DLGAP2: variants seen among roughly 807,000 people sequenced by gnomAD.
DLGAP2 encodes disks large-associated protein 2.
A neutral mutation model predicts 100.3 loss-of-function variants in DLGAP2; 26 were observed. That is an observed-to-expected ratio of 0.26 (90% CI 0.19 to 0.36). The LOEUF (loss-of-function observed/expected upper bound fraction) is 0.36, where lower values mean the gene tolerates loss of function less well. DLGAP2 is among the 10% of genes least tolerant of loss of function. DLGAP2 has a pLI of 1.00. For synonymous variants in DLGAP2, 886 were observed against 630.1 expected, an observed-to-expected ratio of 1.41 and a Z score of -6.08; for missense variants, 1,858 against 1,453.2, an observed-to-expected ratio of 1.28 and a Z score of -4.53.
At chr8:1,125,716 C>G (rs937014006) in intron 2 of DLGAP2, among the ~76,000 whole-genome samples, 1 of 152,214 alleles carries the variant, frequency 6.6e-6, no homozygotes, top group African/African-American at 2.4e-5. Context: ...ATTTCAGACT[C>G]GCAAGGTTTT....
intron 3 of DLGAP2, among the ~76,000 whole-genome samples, chr8:1,422,598 G>A (rs941036018): frequency 2.6e-5 from 4 of 151,846 alleles, no homozygotes; most frequent in African/African-American, 9.7e-5. Context: ...GAACAGACAG[G>A]GTGGATGCAT....
At chr8:1,447,063 T>C (rs897703058) in intron 3 of DLGAP2, among the ~76,000 whole-genome samples, 14 of 152,216 alleles carry the variant, frequency 9.2e-5, no homozygotes, top group South Asian at 8.3e-4. Flanking sequence ...CTTCCTCTTT[T>C]CCTAATTGAA....
intron 4 of DLGAP2, among the ~76,000 whole-genome samples, chr8:1,504,303 A>C (rs957308688): frequency 2.0e-5 from 3 of 152,162 alleles, no homozygotes; most frequent in Admixed American, 6.5e-5. Context: ...TTGTGTGTAT[A>C]GTATACAACG....
intron 2 of DLGAP2, among the ~76,000 whole-genome samples, chr8:1,070,784 C>T (rs765787260): frequency 1.3e-5 from 2 of 152,152 alleles, no homozygotes; most frequent in Non-Finnish European, 2.9e-5. Context: ...GGAAGAAGGA[C>T]GCGCTGGCTT....
intron 4 of DLGAP2, among the ~76,000 whole-genome samples, chr8:1,527,639 A>G (rs1800837715): frequency 6.6e-6 from 1 of 152,132 alleles, no homozygotes; most frequent in Non-Finnish European, 1.5e-5. Context: ...TCCTTTTATA[A>G]CCTATCTATG....
intron 1 of DLGAP2, among the ~76,000 whole-genome samples, chr8:766,398 C>T (rs915798493): frequency 1.3e-5 from 2 of 152,208 alleles, no homozygotes; most frequent in African/African-American, 4.8e-5. Context: ...CATCCTTCCT[C>T]TATGTGAGCT....
intron 3 of DLGAP2, among the ~76,000 whole-genome samples, chr8:1,418,927 C>G (rs74497347): frequency 1.3e-5 from 2 of 152,192 alleles, no homozygotes; most frequent in Non-Finnish European, 2.9e-5. Flanking sequence ...TTGAATGGCT[C>G]ACAGAACTCG....
chr8:1,076,557 C>T (rs781075059), intron 2 of DLGAP2, among the ~76,000 whole-genome samples: 5 of 152,240 alleles, frequency 3.3e-5, no homozygotes, highest in African/African-American at 4.8e-5. Context: ...GCCAGGGCCA[C>T]GGCTCAGCCC....
intron 3 of DLGAP2, among the ~76,000 whole-genome samples, chr8:1,440,437 G>A (rs758439718): frequency 3.3e-5 from 5 of 152,202 alleles, no homozygotes; most frequent in Admixed American, 2.0e-4. Context: ...ACTCCGCTGC[G>A]AGTGCACGGC....
chr8:1,368,478 T>G (rs1328149709), intron 3 of DLGAP2, among the ~76,000 whole-genome samples: 3 of 152,136 alleles, frequency 2.0e-5, no homozygotes, highest in Non-Finnish European at 4.4e-5. Flanking sequence ...TATGCTGTGC[T>G]CTGAAAAATG....
intron 2 of DLGAP2, among the ~76,000 whole-genome samples, chr8:1,066,597 T>A (rs532487574): frequency 4.0e-5 from 6 of 149,824 alleles, no homozygotes; most frequent in African/African-American, 1.5e-4. Context: ...CATGGTCAGG[T>A]CTGAGTGAGG....
chr8:1,214,991 G>A (rs1798183881), intron 2 of DLGAP2, among the ~76,000 whole-genome samples: 1 of 152,182 alleles, frequency 6.6e-6, no homozygotes, highest in South Asian at 2.1e-4. Context: ...AGCACTCTGT[G>A]CTCTTGTATC....
chr8:1,306,074 C>CAAAAAAAAAAAAAAAAAAAAAAA (rs61647224), intron 3 of DLGAP2, among the ~76,000 whole-genome samples: 5 of 116,456 alleles, frequency 4.3e-5, no homozygotes, highest in Non-Finnish European at 8.9e-5. Context: ...AGAAATTAGG[C>CAAAAAAAAAAAAAAAAAAAAAAA]AAAAAAAAAA....
intron 2 of DLGAP2, among the ~76,000 whole-genome samples, chr8:1,087,286 C>T (rs899779505): frequency 2.0e-5 from 3 of 152,154 alleles, no homozygotes; most frequent in Admixed American, 6.5e-5. Context: ...CTCTCTGTCT[C>T]AATAAACATG....
chr8:1,175,678 A>T (rs1461506949), intron 2 of DLGAP2, among the ~76,000 whole-genome samples: 2 of 152,164 alleles, frequency 1.3e-5, no homozygotes, highest in South Asian at 2.1e-4. Context: ...GGTTTTGTCA[A>T]ACTTTTAGGG....
At chr8:927,011 G>C (rs1798830972) in intron 2 of DLGAP2, 3 of 985,294 alleles carry the variant, frequency 3.0e-6, no homozygotes, top group Non-Finnish European at 3.6e-6. Flanking sequence ...CCCCCGCCGA[G>C]AAAGAGAAAG....
chr8:1,232,383 C>T (rs1280097787), intron 2 of DLGAP2, among the ~76,000 whole-genome samples: 2 of 152,242 alleles, frequency 1.3e-5, no homozygotes, highest in Admixed American at 1.3e-4. Context: ...GTCCTCTGTC[C>T]TCATCATTCC....
intron 1 of DLGAP2, among the ~76,000 whole-genome samples, chr8:800,698 ATGTG>A (rs901966106): frequency 6.6e-6 from 1 of 151,978 alleles, no homozygotes; most frequent in African/African-American, 2.4e-5. Flanking sequence ...GCATGTGTGC[ATGTG>A]TGTGTCTGTG....
intron 3 of DLGAP2, among the ~76,000 whole-genome samples, chr8:1,408,289 C>A (rs1796631545): frequency 6.6e-6 from 1 of 152,228 alleles, no homozygotes. Context: ...TGCTGATGAT[C>A]TGGGTCTGTT....
Sources: gnomAD v4.1 joint callset for allele counts (sites outside exome capture counted in the v4.1 genomes callset) on GRCh38, gnomAD v4.1.1 for gene constraint, MANE v1.5 for transcripts, NCBI Gene and HGNC (gene_info 2026-07-23, HGNC 2026-07-21) for gene names.